Variants in LILRA6 observed in about 807,000 individuals in gnomAD.
The protein encoded by LILRA6 is leukocyte immunoglobulin like receptor A6, also known as leukocyte immunoglobulin-like receptor subfamily A member 6.
A neutral mutation model predicts 53.9 loss-of-function variants in LILRA6; 16 were observed. The ratio of observed to expected loss-of-function variants is 0.30; its 90% CI spans 0.20 to 0.45. LILRA6 has a LOEUF of 0.45. Ranked by LOEUF, LILRA6 falls within the 20% of genes least tolerant of loss-of-function variation. The probability of loss-of-function intolerance (pLI) is 1.00; values close to 1 mark genes in which losing one functional copy is unlikely to be tolerated. For synonymous variants in LILRA6, 135 were observed against 256.4 expected (o/e 0.53, Z 4.52); for missense variants, 306 against 618.6 (o/e 0.49, Z 5.36).
chr19:54,240,313 G>C (rs1332571152), exon 6 of LILRA6: 8 of 1,603,404 alleles, frequency 5.0e-6, no homozygotes, highest in East Asian at 2.2e-5. Flanking sequence ...GGGAAAGACA[G>C]CAGGTGGGGG....
chr19:54,242,741 G>A, exon 1 of LILRA6: 1 of 1,066,566 alleles, frequency 9.4e-7, no homozygotes, highest in Non-Finnish European at 1.3e-6. Context: ...GGCTGCGAGG[G>A]TGGGGGTCAT....
exon 3 of LILRA6, chr19:54,242,300 G>A (rs752545836): frequency 7.3e-7 from 1 of 1,369,628 alleles, no homozygotes; most frequent in East Asian, 2.3e-5. Context: ...GGGTGGGTTT[G>A]GGGAAGGGCC....
chr19:54,236,691 C>T (rs2078645926), downstream of LILRA6: 1 of 150,960 alleles, frequency 6.6e-6, no homozygotes, highest in South Asian at 2.1e-4. Flanking sequence ...AACATGTGGT[C>T]TATATACACA....
rs756294187 is a variant in LILRA6, at chr19:54,240,436, G to A, written c.1096C>T (p.Leu366=). The A allele has an allele frequency of 2.1e-5, 33 of 1,604,552 alleles. No individual in the cohort carries two copies. In the Middle Eastern group the frequency reaches 8.4e-4, roughly 41 times the overall value. ...GCTCCGTACATTGATCTCAGACGCA[G>A]TGGGGGATGGGCTGCCCCTTCTTTG... The change falls in exon 6 of 8, where the codon CTG becomes TTG. Residue 366 remains leucine (L), a synonymous_variant. Transcript: ENST00000396365.
Position 54,239,748 on chromosome 19 carries a change from C to T in LILRA6, c.1309+153G>A, listed in dbSNP as rs1228008333. ...CCTCCTCCTGGCTGGGCCCCAACAT[C>T]TCTCTCTGCCTTGAACCCCCCACTC... On this transcript the variant is annotated intron_variant, in intron 7 of 7. Transcript: ENST00000396365. 16 of 1,550,124 alleles carry T rather than the reference C, an allele frequency of 1.0e-5. 1 individual carries two copies. The African/African-American group carries it at 2.1e-4, about 20-fold the overall frequency.
chr19:54,236,848 C>A (rs2078647618), downstream of LILRA6: 1 of 150,822 alleles, frequency 6.6e-6, no homozygotes, highest in Non-Finnish European at 1.5e-5. Context: ...AAAAGTGGGC[C>A]TTGTGATGGC....
At position 54,238,869 on chromosome 19, in the gene LILRA6, G is replaced by T. The variant is rs895772528; in HGVS notation, c.*84C>A. On this transcript the variant is annotated 3_prime_UTR_variant, in exon 8 of 8. Coordinates refer to ENST00000396365, the Ensembl canonical transcript of LILRA6. Reference sequence around the variant, plus strand: ...ATCTCACCCCCCTCTGGAGGTCCTAGATTGTCCTCCAGAGCCTTCTGGGAT... The same window carrying T: ...ATCTCACCCCCCTCTGGAGGTCCTATATTGTCCTCCAGAGCCTTCTGGGAT... The T allele has an allele frequency of 5.8e-6, 9 of 1,562,364 alleles. No homozygotes were observed. In the Admixed American group the frequency reaches 9.4e-5, roughly 16 times the overall value.
intron 7 of LILRA6, 55 bp from the exon 8 acceptor site, chr19:54,239,144 G>A: frequency 6.2e-7 from 1 of 1,605,164 alleles, no homozygotes; most frequent in Non-Finnish European, 8.5e-7. Flanking sequence ...ACTTCACCCA[G>A]GACCCCTGGA....
Position 54,241,373 on chromosome 19 carries a change from T to C in LILRA6, c.658+203A>G. The C allele has an allele frequency of 1.9e-6, 2 of 1,037,928 alleles. 1 individual carries two copies. Among genetic ancestry groups the C allele is most frequent in the East Asian group, 5.3e-5 (2 of 37,894 alleles). The allele number at this position is 1,037,928 out of a possible 1,614,324, so 64.3% of individuals were successfully genotyped here. A position where few individuals can be genotyped will look rare whatever the true frequency, so the allele number is the denominator to read the frequency against. The stretch of plus-strand genomic sequence containing the variant: ...ACCTCACAGCAAACACACCGATGCC[T>C]TCCTGAGTCCTCCCCGTTCAGGTGA... On this transcript the variant is annotated intron_variant, in intron 4 of 7. Transcript: ENST00000396365.
In LILRA6 at chr19:54,242,092, G is replaced by T; in HGVS notation, c.289C>A (p.Arg97Ser). 3 of 1,398,368 alleles carry T rather than the reference G, an allele frequency of 2.1e-6. 1 individual carries two copies. The South Asian group carries it at 4.1e-5, about 19-fold the overall frequency. The allele number at this position is 1,398,368 out of a possible 1,614,324, so 86.6% of individuals were successfully genotyped here. ...CCTGCAGAGCTGTAATAGTGGCAGC[G>T]GTATCTCCCCGCATGGTGCTCTGTT... The change falls in exon 3 of 8, where the codon CGC (arginine) becomes AGC (serine). Residue 97 changes from arginine to serine, a missense_variant. Physicochemically the swap from Arg to Ser is moderately radical, Grantham distance 110. Around this residue, in one of 9 missense-constraint regions of LILRA6, gnomAD observed 30 missense variants for 36.4 expected, o/e 0.82. Transcript: ENST00000396365.
Position 54,242,494 on chromosome 19 carries a change from C to T in LILRA6, c.70+25G>A. 3 of 1,075,038 alleles carry T rather than the reference C, an allele frequency of 2.8e-6. 1 individual carries two copies. The East Asian group carries it at 7.4e-5, about 27-fold the overall frequency. The allele number at this position is 1,075,038 out of a possible 1,614,324, so 66.6% of individuals were successfully genotyped here. ...CTTGTCCCTAGTAAGGATGAGGGAC[C>T]TGGGACAGCTGGGGACAGACTCACC... is the stretch of plus-strand genomic sequence containing the variant. On this transcript the variant is annotated intron_variant, in intron 2 of 7. Coordinates refer to ENST00000396365, the Ensembl canonical transcript of LILRA6.
At chr19:54,240,944 A>G (rs2078745284) in exon 5 of LILRA6, 1 of 1,613,932 alleles carries the variant, frequency 6.2e-7, no homozygotes, top group African/African-American at 1.3e-5. Context: ...GCCCAGGGTG[A>G]AGTTGGCCTG....
chr19:54,239,205 G>T, intron 7 of LILRA6, 116 bp from the exon 8 acceptor site: 1 of 1,570,502 alleles, frequency 6.4e-7, no homozygotes, highest in Non-Finnish European at 8.6e-7. Flanking sequence ...CTGACCCTCT[G>T]TGCCCGCCCC....
intron 5 of LILRA6, 43 bp downstream of exon 5, chr19:54,240,788 G>A (rs1336243556): frequency 6.2e-7 from 1 of 1,611,748 alleles, no homozygotes; most frequent in South Asian, 1.1e-5. Context: ...GGCAGGGCCT[G>A]TGCAGAGCCT....
chr19:54,241,817 A>T lies in LILRA6; in HGVS notation c.417T>A (p.Asn139Lys), dbSNP rs761640789. ...TCTGTGAGCCACATTGGAGGGTCAT[A>T]TTCCCCCCTGAGGCCACCACAGGGC... Residue 139 changes from asparagine to lysine, a missense_variant, in exon 4 of 8, where the codon AAT (asparagine) becomes AAA (lysine). Asn to Lys is a moderately conservative substitution (Grantham distance 94). Transcript: ENST00000396365. The T allele has an allele frequency of 7.8e-5, 104 of 1,327,854 alleles. 28 individuals are homozygous for T. In the Middle Eastern group the frequency reaches 2.1e-3, roughly 27 times the overall value. The allele number at this position is 1,327,854 out of a possible 1,614,324, so 82.3% of individuals were successfully genotyped here. A position where few individuals can be genotyped will look rare whatever the true frequency, so the allele number is the denominator to read the frequency against.
intron 7 of LILRA6, chr19:54,239,340 A>T: frequency 8.1e-7 from 1 of 1,227,618 alleles, no homozygotes; most frequent in Non-Finnish European, 1.1e-6. Context: ...TCCAGGCCTC[A>T]TGACGTGGCT....
At chr19:54,242,608 C>T (rs773588430) in intron 1 of LILRA6, 54 bp from the exon 2 acceptor site, 1 of 1,077,100 alleles carries the variant, frequency 9.3e-7, no homozygotes, top group Non-Finnish European at 1.3e-6. Flanking sequence ...CAGGTCCTCC[C>T]CGCCCTGGTG....
chr19:54,238,818 T>C lies in LILRA6; in HGVS notation c.*135A>G, dbSNP rs542625183. On this transcript the variant is annotated 3_prime_UTR_variant, in exon 8 of 8. Transcript: ENST00000396365. ...ACCCAAAATTTGTGATCAGACATGA[T>C]TACCTTCCACAGTGTGTGGCCTGAA... The C allele has an allele frequency of 3.3e-5, 48 of 1,450,122 alleles. No homozygotes were observed. In the East Asian group the frequency reaches 1.2e-3, roughly 35 times the overall value. The allele number at this position is 1,450,122 out of a possible 1,614,324, so 89.8% of individuals were successfully genotyped here. A position where few individuals can be genotyped will look rare whatever the true frequency, so the allele number is the denominator to read the frequency against.
exon 4 of LILRA6, chr19:54,241,825 C>T: frequency 3.8e-6 from 5 of 1,328,996 alleles, no homozygotes; most frequent in Non-Finnish European, 5.2e-6. Context: ...ATATTCCCCC[C>T]TGAGGCCACC....
Sources: gnomAD v4.1 joint callset for allele counts on GRCh38, gnomAD v4.1.1 for gene constraint, gnomAD v4.1.1 regional missense constraint, MANE v1.5 for transcripts, NCBI Gene and HGNC (gene_info 2026-07-23, HGNC 2026-07-21) for gene names.